The following NEB variants were observed in gnomAD, a reference collection of about 807,000 sequenced individuals.
NEB encodes the protein nemaline myopathy type 2.
In NEB, 512 loss-of-function variants were observed where a neutral mutation model predicts 952.2. The ratio of observed to expected loss-of-function variants is 0.54; its 90% CI spans 0.50 to 0.58. The LOEUF is 0.58. Ranked by LOEUF, NEB falls within the 20% of genes least tolerant of loss-of-function variation. The pLI is 0.00. For missense variants in NEB, 8,428 were observed against 9,231.1 expected (o/e 0.91, Z 3.56); for synonymous variants, 2,900 against 3,149.8 (o/e 0.92, Z 2.66).
In NEB at chr2:151,704,854, G is replaced by A. The variant is rs1237819900; in HGVS notation, c.1152+2027C>T. ...TCGCTCACGCTGGGAGCTGTAGACC[G>A]GAGCTGTTCCTATTCGGCCATCTTG... On this transcript the variant is annotated intron_variant, in intron 13 of 181. Transcript: ENST00000397345. Among the ~76,000 whole-genome samples the A allele has an allele frequency of 6.6e-5, 10 of 152,252 alleles. No homozygotes were observed. The East Asian group carries it at 1.5e-3, about 24-fold the overall frequency.
intron 18 of NEB, 50 bp from the exon 19 acceptor site, chr2:151,694,679 ACGAC>A: frequency 6.9e-7 from 1 of 1,447,974 alleles, no homozygotes; most frequent in Non-Finnish European, 9.5e-7. Flanking sequence ...TATGCATGTC[ACGAC>A]CTTTAAAGAC....
Position 151,725,527 on chromosome 2 carries a change from C to T in NEB, c.328G>A (p.Gly110Arg), listed in dbSNP as rs886043647. ...KYKEKFEKTK[G>R]QPYASTTDTP... is the part of the protein sequence containing the mutation. The stretch of plus-strand genomic sequence containing the variant: ...TCTGTTGTGCTGGCGTATGGCTGTC[C>T]TTTTGTTTTCTCAAACTTCTCCTTG... The change falls in exon 6 of 182, where the codon GGA becomes AGA. Residue 110 changes from glycine to arginine, a missense_variant. Physicochemically the swap from Gly to Arg is moderately radical, Grantham distance 125 (BLOSUM62 -2). This residue lies in a region of NEB where 2,851 missense variants were observed against 2,791.5 expected (regional missense o/e 1.02). Transcript: ENST00000397345. 1.2e-6 allele frequency: 2 copies of T among 1,613,566 alleles called. No individual in the cohort carries two copies. Among genetic ancestry groups the T allele is most frequent in the South Asian group, 2.2e-5 (2 of 91,054 alleles).
At position 151,686,205 on chromosome 2, in the gene NEB, C is replaced by T. The variant is rs529237074; in HGVS notation, c.2637+1214G>A. ...TCACACCAGCTGACACATACCAGTA[C>T]ATATAAAATGTTGTCAAAGATCCAA... On this transcript the variant is annotated intron_variant, in intron 27 of 181. Transcript: ENST00000397345. Among the ~76,000 whole-genome samples the T allele has an allele frequency of 2.0e-5, 3 of 152,300 alleles. No homozygotes were observed. In the East Asian group the frequency reaches 5.8e-4, roughly 29 times the overall value.
Position 151,727,704 on chromosome 2 carries a change from T to G in NEB, c.281A>C (p.Asp94Ala). Reference protein sequence around the residue: ...PYIAHSQKMQDLFSPNKYKEK... With the variant: ...PYIAHSQKMQALFSPNKYKEK... ...TTTGAAACTTACTGGGCTAAAAAGA[T>G]CCTGCATTTTCTGACTGTGTGCAAT... Residue 94 changes from aspartate (D) to alanine (A), a missense_variant, in exon 5 of 182, where the codon GAT becomes GCT. Physicochemically the swap from Asp to Ala is moderately radical, Grantham distance 126. Transcript: ENST00000397345. The G allele has an allele frequency of 2.5e-6, 4 of 1,612,734 alleles. No individual in the cohort carries two copies. The highest frequency in any genetic ancestry group is 2.5e-6 in the Non-Finnish European group (3 of 1,178,990).
In NEB at chr2:151,663,741, T is replaced by G. The variant is rs2099172333; in HGVS notation, c.5570A>C (p.Glu1857Ala). 1 of 1,613,696 alleles carries G rather than the reference T, an allele frequency of 6.2e-7. No homozygotes were observed. Among genetic ancestry groups the G allele is most frequent in the Non-Finnish European group, 8.5e-7 (1 of 1,179,790 alleles). The change falls in exon 45 of 182, where the codon GAA becomes GCA. Residue 1857 changes from glutamate (E) to alanine (A), a missense_variant. Coordinates refer to ENST00000397345, the MANE Select transcript of NEB (RefSeq NM_001164508.2). ...MQVAKMQSDREYKKGYEKSKT... is the reference protein window; with the variant it reads ...MQVAKMQSDRAYKKGYEKSKT... ...GGATTTCTCATATCCCTTCTTGTAT[T>G]CCCGGTCTGACTGCATCTTGGCCAC...
At chr2:151,561,356 T>C (rs1171078374) in intron 121 of NEB, 44 bp from the exon 122 acceptor site, 1 of 1,376,404 alleles carries the variant, frequency 7.3e-7, no homozygotes, top group African/African-American at 1.4e-5. Context: ...AACATACAGG[T>C]CTGTCATCAG....
chr2:151,687,030 TAAG>T (rs1559247807), intron 27 of NEB, among the ~76,000 whole-genome samples: 1 of 152,196 alleles, frequency 6.6e-6, no homozygotes, highest in Non-Finnish European at 1.5e-5. Context: ...GATACTCTAT[TAAG>T]ATTTTTGTGA....
rs1560135319 is a variant in NEB, at chr2:151,576,345, T to C, written c.16714A>G (p.Lys5572Glu). The change falls in exon 106 of 182, where the codon AAG becomes GAG. Residue 5572 changes from lysine (K) to glutamate (E), a missense_variant. Around this residue, in one of 11 missense-constraint regions of NEB, gnomAD observed 3,374 missense variants for 3,651.5 expected, o/e 0.92. Transcript: ENST00000397345. ...CCACGCAACCACTCCAAGTCAGCCTTGTAGAGGGCCTGAAAAAGAAAACAC... is the reference window on the plus strand; with the variant it reads ...CCACGCAACCACTCCAAGTCAGCCTCGTAGAGGGCCTGAAAAAGAAAACAC... ...AYDLQSDALYKADLEWLRGIG... is the reference protein window; with the variant it reads ...AYDLQSDALYEADLEWLRGIG... 2.5e-6 allele frequency: 4 copies of C among 1,593,882 alleles called. No homozygotes were observed. The highest frequency in any genetic ancestry group is 2.2e-5 in the East Asian group (1 of 44,684).
In NEB at chr2:151,627,747, T is replaced by C. The variant is rs776643734; in HGVS notation, c.9919A>G (p.Met3307Val). Residue 3307 changes from methionine (M) to valine (V), a missense_variant, in exon 69 of 182, where the codon ATG becomes GTG. Met to Val is a conservative substitution (Grantham distance 21). This residue lies in a region of NEB where 1,772 missense variants were observed against 1,960.3 expected (regional missense o/e 0.90). Transcript: ENST00000397345. ...TCACTCTGGATCTTGGCCACATGCA[T>C]GGACCACATCATCTTGGGGTCATCT... ...IEDDPKMMWS[M>V]HVAKIQSDRE... The C allele has an allele frequency of 7.4e-6, 12 of 1,613,862 alleles. No individual in the cohort carries two copies. The highest frequency in any genetic ancestry group is 1.3e-5 in the African/African-American group (1 of 74,928).
At chr2:151,527,327 C>T (rs1436469994) in intron 147 of NEB, among the ~76,000 whole-genome samples, 154 bp downstream of exon 147, 2 of 152,184 alleles carry the variant, frequency 1.3e-5, no homozygotes, top group Non-Finnish European at 2.9e-5. Context: ...GGGTTCTGAG[C>T]TCGCCTATCG....
At position 151,697,610 on chromosome 2, in the gene NEB, C is replaced by G. The variant is rs996926685; in HGVS notation, c.1191G>C (p.Lys397Asn). 10 of 1,611,836 alleles carry G rather than the reference C, an allele frequency of 6.2e-6. No individual in the cohort carries two copies. The highest frequency in any genetic ancestry group is 3.4e-5 in the Admixed American group (2 of 59,526). ...YKENYEKTKA[K>N]SINYCETPKF... ...TGGGGGTCTCGCAGTAATTTATGCT[C>G]TTTGCTTTTGTCTTTTCATAGTTTT... The change falls in exon 14 of 182, where the codon AAG becomes AAC. Residue 397 changes from lysine (K) to asparagine (N), a missense_variant. Around this residue, in one of 11 missense-constraint regions of NEB, gnomAD observed 2,851 missense variants for 2,791.5 expected, o/e 1.02. Coordinates refer to ENST00000397345, the MANE Select transcript of NEB (RefSeq NM_001164508.2).
At position 151,609,972 on chromosome 2, in the gene NEB, G is replaced by A; in HGVS notation, c.12167C>T (p.Thr4056Ile). Residue 4056 changes from threonine (T) to isoleucine (I), a missense_variant, in exon 81 of 182, where the codon ACC becomes ATC. By Grantham distance (89) the Thr-to-Ile change is moderately conservative. Coordinates refer to ENST00000397345, the MANE Select transcript of NEB (RefSeq NM_001164508.2). Reference protein sequence around the residue: ...EYKKEFQKWKTKFSSPVDMLS... With the variant: ...EYKKEFQKWKIKFSSPVDMLS... Reference sequence around the variant, plus strand: ...CATGTCCACTGGGCTAGAGAACTTGGTTTTCCACTTTTGGAATTCCTTCTT... The same window carrying A: ...CATGTCCACTGGGCTAGAGAACTTGATTTTCCACTTTTGGAATTCCTTCTT... 6.2e-7 allele frequency: 1 copy of A among 1,613,904 alleles called. No homozygotes were observed. The highest frequency in any genetic ancestry group is 8.5e-7 in the Non-Finnish European group (1 of 1,179,864).
intron 3 of NEB, among the ~76,000 whole-genome samples, chr2:151,732,211 T>C (rs997927283): frequency 6.6e-6 from 1 of 152,182 alleles, no homozygotes; most frequent in African/African-American, 2.4e-5. Context: ...TAGATCATCA[T>C]CATTAATTGG....
At chr2:151,638,675 G>A (rs2098805956) in intron 63 of NEB, among the ~76,000 whole-genome samples, 1 of 152,208 alleles carries the variant, frequency 6.6e-6, no homozygotes, top group South Asian at 2.1e-4. Context: ...GGGTACCTTT[G>A]CACTAGGGTG....
Position 151,567,190 on chromosome 2 carries a change from T to C in NEB, c.18134A>G (p.Lys6045Arg). ...TACATCACTCTGTAGGTCATAGGCC[T>C]TTCTTGCCTGAATAACATCGTTCTG... ...PDQNDVIQAR[K>R]AYDLQSDNVY... The change falls in exon 114 of 182, where the codon AAG becomes AGG. Residue 6045 changes from lysine (K) to arginine (R), a missense_variant. Lys to Arg is a conservative substitution (Grantham distance 26, BLOSUM62 2). Around this residue, in one of 11 missense-constraint regions of NEB, gnomAD observed 3,374 missense variants for 3,651.5 expected, o/e 0.92. Transcript: ENST00000397345. 1 of 1,609,122 alleles carries C rather than the reference T, an allele frequency of 6.2e-7. No individual in the cohort carries two copies. The highest frequency in any genetic ancestry group is 1.1e-5 in the South Asian group (1 of 90,460).
chr2:151,507,865 G>A, intron 162 of NEB, 140 bp downstream of exon 162: 1 of 640,308 alleles, frequency 1.6e-6, no homozygotes. Flanking sequence ...GAGATGAATT[G>A]GGCACACATT....
At chr2:151,570,890 G>A (rs2096605680) in intron 107 of NEB, among the ~76,000 whole-genome samples, 1 of 152,066 alleles carries the variant, frequency 6.6e-6, no homozygotes, top group African/African-American at 2.4e-5. Flanking sequence ...CATATTTATA[G>A]GGTGCATGAG....
intron 10 of NEB, chr2:151,716,147 T>G: frequency 4.5e-6 from 2 of 441,884 alleles, no homozygotes; most frequent in Non-Finnish European, 9.0e-6. Context: ...TTTTTCTTTT[T>G]TTCTCTTTTT....
intron 67 of NEB, 28 bp downstream of exon 67, chr2:151,630,687 A>G: frequency 6.5e-7 from 1 of 1,537,192 alleles, no homozygotes; most frequent in Non-Finnish European, 8.9e-7. Flanking sequence ...CACCACCACA[A>G]TATAGCACCA....
Sources: allele counts gnomAD v4.1 joint callset (sites outside exome capture counted in the v4.1 genomes callset), GRCh38; gene constraint gnomAD v4.1.1; regional missense constraint gnomAD v4.1.1; transcripts MANE v1.5; gene names NCBI Gene and HGNC (gene_info 2026-07-23, HGNC 2026-07-21).